Variants in ZNF277 observed in about 807,000 individuals in gnomAD.
ZNF277 encodes nuclear receptor-interacting factor 4.
A neutral mutation model predicts 60.7 loss-of-function variants in ZNF277; 55 were observed. The ratio of observed to expected loss-of-function variants is 0.91; its 90% CI spans 0.73 to 1.13. The LOEUF (loss-of-function observed/expected upper bound fraction) is 1.13, where lower values mean the gene tolerates loss of function less well. Among genes scored for constraint, ZNF277 ranks in the 50% most tolerant of loss-of-function variants. The pLI, the probability that ZNF277 is intolerant of heterozygous loss-of-function variation, is 0.00. For missense variants in ZNF277, 510 were observed against 523.0 expected, an observed-to-expected ratio of 0.98 and a Z score of 0.24; for synonymous variants, 178 against 179.3, an observed-to-expected ratio of 0.99 and a Z score of 0.06.
chr7:112,290,479 A>G (rs1360285058), intron 2 of ZNF277, among the ~76,000 whole-genome samples: 3 of 152,216 alleles, frequency 2.0e-5, no homozygotes, highest in Non-Finnish European at 4.4e-5. Context: ...AAATGCAGAT[A>G]TACAATAAAA....
chr7:112,314,637 A>T (rs1251869026), intron 4 of ZNF277, among the ~76,000 whole-genome samples: 1 of 152,056 alleles, frequency 6.6e-6, no homozygotes, highest in Non-Finnish European at 1.5e-5. Context: ...CTACAAAAAA[A>T]TACAGAAAAT....
intron 4 of ZNF277, among the ~76,000 whole-genome samples, chr7:112,303,588 C>A (rs572958561): frequency 6.6e-6 from 1 of 152,046 alleles, no homozygotes; most frequent in African/African-American, 2.4e-5. Flanking sequence ...ATCTCCCATG[C>A]CCACCTATTG....
chr7:112,327,183 C>T (rs10257492), intron 5 of ZNF277, among the ~76,000 whole-genome samples: 6,724 of 152,232 alleles, frequency 0.044, 353 homozygotes, highest in African/African-American at 0.13. Flanking sequence ...TAGTTTAAAG[C>T]AGTGATCCCC....
chr7:112,270,638 AAAT>A (rs550032539), intron 1 of ZNF277, among the ~76,000 whole-genome samples: 194 of 152,256 alleles, frequency 1.3e-3, no homozygotes, highest in African/African-American at 4.4e-3. Context: ...TATGTTTCAT[AAAT>A]AATCATTTCT....
At chr7:112,336,372 A>T (rs1004884903) in intron 8 of ZNF277, among the ~76,000 whole-genome samples, 1 of 152,240 alleles carries the variant, frequency 6.6e-6, no homozygotes, top group Non-Finnish European at 1.5e-5. Flanking sequence ...CTGTTATTCC[A>T]ACTAAATTAA....
chr7:112,293,628 C>T (rs370822712), intron 2 of ZNF277, among the ~76,000 whole-genome samples: 7 of 151,712 alleles, frequency 4.6e-5, no homozygotes, highest in African/African-American at 1.7e-4. Context: ...AGTCTGTTCA[C>T]GAGGATCCAA....
At chr7:112,226,774 C>T (rs1176866959) in intron 1 of ZNF277, among the ~76,000 whole-genome samples, 1 of 152,056 alleles carries the variant, frequency 6.6e-6, no homozygotes, top group African/African-American at 2.4e-5. Flanking sequence ...ATGTCAGTTT[C>T]TGAATTACTG....
intron 1 of ZNF277, among the ~76,000 whole-genome samples, chr7:112,263,502 A>C (rs888928392): frequency 3.9e-5 from 6 of 152,216 alleles, no homozygotes; most frequent in Non-Finnish European, 7.4e-5. Context: ...TAATAGAAAC[A>C]GGCCTTCTTC....
intron 5 of ZNF277, among the ~76,000 whole-genome samples, chr7:112,319,852 A>G (rs1048059348): frequency 6.6e-6 from 1 of 151,818 alleles, no homozygotes; most frequent in African/African-American, 2.4e-5. Context: ...ATTTCAAAGG[A>G]CTTTACGGGC....
chr7:112,257,940 A>C (rs564935762), intron 1 of ZNF277, among the ~76,000 whole-genome samples: 1 of 152,072 alleles, frequency 6.6e-6, no homozygotes, highest in East Asian at 1.9e-4. Context: ...TAGCCTTCCA[A>C]GTAGGTAGGA....
intron 1 of ZNF277, among the ~76,000 whole-genome samples, chr7:112,216,627 C>T (rs1255220358): frequency 6.6e-6 from 1 of 152,168 alleles, no homozygotes; most frequent in African/African-American, 2.4e-5. Context: ...TTAGAGAAGT[C>T]ATTAGCACTC....
intron 1 of ZNF277, among the ~76,000 whole-genome samples, chr7:112,269,719 A>C (rs1045428685): frequency 4.6e-5 from 7 of 152,154 alleles, no homozygotes; most frequent in Non-Finnish European, 7.4e-5. Flanking sequence ...AAGCCATGAT[A>C]TACTGTACCA....
intron 1 of ZNF277, among the ~76,000 whole-genome samples, chr7:112,283,477 T>C (rs1791993942): frequency 6.6e-6 from 1 of 152,172 alleles, no homozygotes; most frequent in Admixed American, 6.5e-5. Context: ...GAGCTGAGAT[T>C]GTGCCCCTGC....
At chr7:112,259,635 AAAAGAAAG>A (rs34394245) in intron 1 of ZNF277, among the ~76,000 whole-genome samples, 1 of 152,124 alleles carries the variant, frequency 6.6e-6, no homozygotes, top group South Asian at 2.1e-4. Flanking sequence ...GACTTATTTA[AAAAGAAAG>A]AAAGAAAGAA....
intron 1 of ZNF277, among the ~76,000 whole-genome samples, chr7:112,283,481 C>T (rs1240245319): frequency 6.6e-6 from 1 of 152,168 alleles, no homozygotes; most frequent in Non-Finnish European, 1.5e-5. Flanking sequence ...TGAGATTGTG[C>T]CCCTGCACTC....
intron 1 of ZNF277, among the ~76,000 whole-genome samples, chr7:112,262,144 TC>T (rs1369968065): frequency 6.6e-6 from 1 of 151,086 alleles, no homozygotes; most frequent in Admixed American, 6.7e-5. Flanking sequence ...GTAATAGCTC[TC>T]CTCCTTCCTA....
chr7:112,206,797 A>G lies in ZNF277; in HGVS notation c.81A>G (p.Val27=). Residue 27 remains valine (V), a synonymous_variant, in exon 1 of 12, where the codon GTA becomes GTG. Coordinates refer to ENST00000361822, the MANE Select transcript of ZNF277 (RefSeq NM_021994.3). ...RDGSCSTVGG[V]GYGDSKDCIL... is the part of the protein sequence containing the mutation. ...GGAGCTGCAGCACAGTCGGGGGTGTAGGTTATGGGGGTGAGTACGGTGCCC... is the reference window on the plus strand; with the variant it reads ...GGAGCTGCAGCACAGTCGGGGGTGTGGGTTATGGGGGTGAGTACGGTGCCC... 1 of 1,612,904 alleles carries G rather than the reference A, an allele frequency of 6.2e-7. No homozygotes were observed. Among genetic ancestry groups the G allele is most frequent in the Non-Finnish European group, 8.5e-7 (1 of 1,179,534 alleles).
At chr7:112,243,723 A>G (rs189775080) in intron 1 of ZNF277, among the ~76,000 whole-genome samples, 1 of 152,138 alleles carries the variant, frequency 6.6e-6, no homozygotes, top group East Asian at 1.9e-4. Flanking sequence ...AAACTAGTAC[A>G]ACCATTATGG....
chr7:112,264,936 TTGTC>T (rs1791515345), intron 1 of ZNF277, among the ~76,000 whole-genome samples: 1 of 152,210 alleles, frequency 6.6e-6, no homozygotes, highest in Middle Eastern at 3.2e-3. Context: ...GCCTCAATGT[TTGTC>T]TGCTGACTGG....
Sources: allele counts gnomAD v4.1 joint callset (sites outside exome capture counted in the v4.1 genomes callset), GRCh38; gene constraint gnomAD v4.1.1; transcripts MANE v1.5; gene names NCBI Gene and HGNC (gene_info 2026-07-23, HGNC 2026-07-21).